Variants in GREB1L observed in about 807,000 individuals in gnomAD.
GREB1L encodes GREB1 like retinoic acid receptor coactivator.
Under a neutral mutation model 200.8 loss-of-function variants are expected in GREB1L, and 17 were observed. The observed-to-expected ratio is 0.08, with a 90% confidence interval of 0.06 to 0.13. GREB1L has a LOEUF of 0.13. GREB1L is among the 10% of genes least tolerant of loss of function. GREB1L has a pLI of 1.00. For missense variants in GREB1L, 1,657 were observed against 2,367.7 expected (o/e 0.70, Z 6.23); for synonymous variants, 789 against 893.0 (o/e 0.88, Z 2.08).
chr18:21,383,471 T>C, intron 2 of GREB1L, 39 bp from the exon 3 acceptor site: 1 of 1,414,696 alleles, frequency 7.1e-7, no homozygotes, highest in Non-Finnish European at 9.4e-7. Flanking sequence ...TCTAATTATA[T>C]CAATTTTATC....
chr18:21,423,462 TAA>T (rs1186677418), intron 7 of GREB1L, among the ~76,000 whole-genome samples: 2 of 152,118 alleles, frequency 1.3e-5, no homozygotes, highest in Admixed American at 6.6e-5. Context: ...TAAGCCAACA[TAA>T]GAGTGTTTTT....
intron 1 of GREB1L, among the ~76,000 whole-genome samples, chr18:21,247,401 T>C (rs1241775821): frequency 3.9e-5 from 6 of 152,216 alleles, no homozygotes; most frequent in Admixed American, 2.6e-4. Flanking sequence ...ACATAATCAC[T>C]TGATAAATGT....
intron 18 of GREB1L, among the ~76,000 whole-genome samples, chr18:21,486,961 T>C (rs1244365326): frequency 1.3e-5 from 2 of 152,258 alleles, no homozygotes; most frequent in Non-Finnish European, 2.9e-5. Flanking sequence ...TGAGGACCTA[T>C]GGATGCATCC....
intron 30 of GREB1L, among the ~76,000 whole-genome samples, chr18:21,517,387 C>T (rs2037456960): frequency 6.6e-6 from 1 of 151,914 alleles, no homozygotes; most frequent in Non-Finnish European, 1.5e-5. Context: ...GAGACAGAGT[C>T]TCGCTCTGTT....
chr18:21,373,082 C>G (rs1252828380), intron 2 of GREB1L, among the ~76,000 whole-genome samples: 1 of 152,166 alleles, frequency 6.6e-6, no homozygotes, highest in East Asian at 1.9e-4. Flanking sequence ...TCATGATACC[C>G]TTTGGCAGGA....
chr18:21,335,920 C>G (rs998871698), intron 1 of GREB1L, among the ~76,000 whole-genome samples: 5 of 152,100 alleles, frequency 3.3e-5, no homozygotes, highest in African/African-American at 9.7e-5. Flanking sequence ...TCCTCAGCCT[C>G]CCAAAGTGCT....
chr18:21,262,500 A>G (rs984703602), intron 1 of GREB1L, among the ~76,000 whole-genome samples: 1 of 152,142 alleles, frequency 6.6e-6, no homozygotes, highest in Non-Finnish European at 1.5e-5. Context: ...GCTCCGTTAC[A>G]CTTCTGCTTT....
intron 7 of GREB1L, among the ~76,000 whole-genome samples, chr18:21,423,581 C>T (rs555024946): frequency 2.6e-5 from 4 of 152,222 alleles, no homozygotes; most frequent in East Asian, 1.9e-4. Flanking sequence ...AGGCTCAGAC[C>T]GGGCGCGTTC....
chr18:21,377,985 C>G (rs893424516), intron 2 of GREB1L, among the ~76,000 whole-genome samples: 7 of 152,116 alleles, frequency 4.6e-5, no homozygotes, highest in Non-Finnish European at 8.8e-5. Flanking sequence ...ACCTCAGCCC[C>G]CAAAGTGATG....
At chr18:21,315,651 G>C (rs989306636) in intron 1 of GREB1L, among the ~76,000 whole-genome samples, 1 of 152,114 alleles carries the variant, frequency 6.6e-6, no homozygotes, top group African/African-American at 2.4e-5. Context: ...CAGGGCAAGA[G>C]GACACAGGGA....
Position 21,520,730 on chromosome 18 carries a change from G to A in GREB1L, c.5515G>A (p.Val1839Ile). ...YISSRPHSSN[V>I]NCEGVFFSGL... ...CAGCTCCAGACCCCACTCCAGCAAT[G>A]TCAACTGTGAAGGGGTGTTTTTCAG... Residue 1839 changes from valine (V) to isoleucine (I), a missense_variant, in exon 32 of 33, where the codon GTC (valine) becomes ATC (isoleucine). By Grantham distance (29) the Val-to-Ile change is conservative. Around this residue, in one of 9 missense-constraint regions of GREB1L, gnomAD observed 190 missense variants for 230.2 expected, o/e 0.83. Coordinates refer to ENST00000424526, the MANE Select transcript of GREB1L (RefSeq NM_001142966.3). The A allele has an allele frequency of 6.4e-7, 1 of 1,551,540 alleles. No homozygotes were observed. Among genetic ancestry groups the A allele is most frequent in the Non-Finnish European group, 8.7e-7 (1 of 1,146,894 alleles).
chr18:21,255,023 G>C (rs745617238), intron 1 of GREB1L, among the ~76,000 whole-genome samples: 3 of 152,116 alleles, frequency 2.0e-5, no homozygotes, highest in Non-Finnish European at 2.9e-5. Context: ...TCTATTTTTT[G>C]AGGTAAGCAT....
At chr18:21,363,805 T>G (rs1167869844) in intron 1 of GREB1L, 1 of 152,188 alleles carries the variant, frequency 6.6e-6, no homozygotes, top group Non-Finnish European at 1.5e-5. Context: ...ATAAACATCT[T>G]GGAAATCAGA....
At chr18:21,386,439 C>T (rs1351420987) in intron 4 of GREB1L, among the ~76,000 whole-genome samples, 6 of 152,024 alleles carry the variant, frequency 3.9e-5, no homozygotes, top group East Asian at 1.9e-4. Flanking sequence ...AACAGGTGCC[C>T]GCCACCACGC....
intron 7 of GREB1L, among the ~76,000 whole-genome samples, chr18:21,410,958 GAAAAAC>G (rs1005328155): frequency 1.0e-4 from 15 of 150,546 alleles, no homozygotes; most frequent in East Asian, 1.9e-4. Flanking sequence ...TCTATCTTAA[GAAAAAC>G]AAAAACAAAA....
intron 10 of GREB1L, among the ~76,000 whole-genome samples, chr18:21,442,040 G>A (rs577108510): frequency 1.3e-5 from 2 of 152,292 alleles, no homozygotes; most frequent in South Asian, 4.1e-4. Context: ...AACAAGCCAA[G>A]CCAGCTGAAA....
chr18:21,403,928 G>C lies in GREB1L; in HGVS notation c.766G>C (p.Val256Leu). 6.4e-7 allele frequency: 1 copy of C among 1,551,288 alleles called. No individual in the cohort carries two copies. Among genetic ancestry groups the C allele is most frequent in the South Asian group, 1.2e-5 (1 of 84,044 alleles). The change falls in exon 7 of 33, where the codon GTG becomes CTG. Residue 256 changes from valine to leucine, a missense_variant. This residue lies in a region of GREB1L where 289 missense variants were observed against 345.1 expected (regional missense o/e 0.84). Transcript: ENST00000424526. ...SCHSIKPSSS[V>L]SSTVTPENGT... ...CCACTCTATTAAGCCAAGCTCTTCA[G>C]TGTCGTCAACTGTGACCCCAGAAAA...
chr18:21,389,933 A>T (rs2040724695), intron 4 of GREB1L, among the ~76,000 whole-genome samples: 1 of 152,206 alleles, frequency 6.6e-6, no homozygotes, highest in South Asian at 2.1e-4. Flanking sequence ...AAAATAGGCA[A>T]GGATGAAGTT....
At chr18:21,480,321 A>C (rs1270319184) in intron 17 of GREB1L, among the ~76,000 whole-genome samples, 1 of 152,172 alleles carries the variant, frequency 6.6e-6, no homozygotes, top group Non-Finnish European at 1.5e-5. Flanking sequence ...ACTGCACTCC[A>C]GCCTAGGTGA....
Sources: allele counts gnomAD v4.1 joint callset (sites outside exome capture counted in the v4.1 genomes callset), GRCh38; gene constraint gnomAD v4.1.1; regional missense constraint gnomAD v4.1.1; transcripts MANE v1.5; gene names NCBI Gene and HGNC (gene_info 2026-07-23, HGNC 2026-07-21).